CHUK: variants seen among roughly 807,000 people sequenced by gnomAD.
CHUK encodes the protein inhibitor of nuclear factor kappa-B kinase subunit alpha.
In CHUK, 35 loss-of-function variants were observed where a neutral mutation model predicts 104.8. That is an observed-to-expected ratio of 0.33 (90% confidence interval 0.26 to 0.44). CHUK has a LOEUF of 0.44. Ranked by LOEUF, CHUK falls within the 20% of genes least tolerant of loss-of-function variation. CHUK has a pLI of 1.00. For synonymous variants in CHUK, 276 were observed against 291.9 expected, an observed-to-expected ratio of 0.95 and a Z score of 0.56; for missense variants, 663 against 902.7, an observed-to-expected ratio of 0.73 and a Z score of 3.40.
intron 4 of CHUK, among the ~76,000 whole-genome samples, chr10:100,221,157 C>A (rs7093166): frequency 0.075 from 11,417 of 152,176 alleles, 580 homozygotes; most frequent in African/African-American, 0.14. Context: ...GTTGACTTGG[C>A]TGGGTGCGGT....
At chr10:100,207,125 A>T (rs1227420661) in intron 11 of CHUK, 105 bp downstream of exon 11, 10 of 717,442 alleles carry the variant, frequency 1.4e-5, no homozygotes, top group Non-Finnish European at 2.3e-5. Context: ...TTCAAGTATG[A>T]GATACAGAAC....
intron 4 of CHUK, among the ~76,000 whole-genome samples, chr10:100,221,317 C>T (rs535947655): frequency 6.6e-6 from 1 of 152,184 alleles, no homozygotes; most frequent in Admixed American, 6.5e-5. Flanking sequence ...CACCTGTAAT[C>T]CCAGCTACTC....
intron 16 of CHUK, among the ~76,000 whole-genome samples, chr10:100,199,489 G>T (rs1030119250): frequency 2.6e-5 from 4 of 152,206 alleles, no homozygotes; most frequent in African/African-American, 9.6e-5. Flanking sequence ...AACATGCCCA[G>T]CTAACTTTTC....
chr10:100,204,598 G>C lies in CHUK; in HGVS notation c.1415C>G (p.Ala472Gly), dbSNP rs1007022862. 3.1e-6 allele frequency: 5 copies of C among 1,612,864 alleles called. No individual in the cohort carries two copies. Among genetic ancestry groups the C allele is most frequent in the Non-Finnish European group, 3.4e-6 (4 of 1,179,002 alleles). The change falls in exon 13 of 21, where the codon GCA becomes GGA. Residue 472 changes from alanine (A) to glycine (G), a missense_variant. Around this residue, in one of 5 missense-constraint regions of CHUK, gnomAD observed 311 missense variants for 393.4 expected, o/e 0.79. Coordinates refer to ENST00000370397, the MANE Select transcript of CHUK (RefSeq NM_001278.5). ...CAATTTAGCTTTCAGTTGTTGTGAT[G>C]CTGAGATCAAAGTGTTCTTCATTTT... ...LTKMKNTLIS[A>G]SQQLKAKLEF...
intron 14 of CHUK, among the ~76,000 whole-genome samples, chr10:100,201,810 G>A (rs939109885): frequency 1.3e-5 from 2 of 152,092 alleles, no homozygotes; most frequent in African/African-American, 4.8e-5. Flanking sequence ...CTTTGATCAT[G>A]CCACTACACT....
intron 18 of CHUK, 23 bp downstream of exon 18, chr10:100,193,961 A>G (rs1231137623): frequency 1.9e-5 from 31 of 1,598,004 alleles, no homozygotes; most frequent in Non-Finnish European, 2.6e-5. Context: ...GTCACATTAA[A>G]TAATTCATTA....
intron 16 of CHUK, among the ~76,000 whole-genome samples, chr10:100,196,628 T>A (rs961311405): frequency 2.0e-5 from 3 of 152,140 alleles, no homozygotes; most frequent in Non-Finnish European, 4.4e-5. Context: ...CTCAAACTGT[T>A]GGCCTCAAAC....
chr10:100,198,818 GTA>G (rs2134213284), intron 16 of CHUK, among the ~76,000 whole-genome samples: 1 of 152,266 alleles, frequency 6.6e-6, no homozygotes, highest in East Asian at 1.9e-4. Flanking sequence ...AAGTGTAAAA[GTA>G]TATCTTTTTT....
chr10:100,193,589 T>A (rs1289562850), intron 18 of CHUK, 158 bp from the exon 19 acceptor site: 1 of 821,234 alleles, frequency 1.2e-6, no homozygotes, highest in Non-Finnish European at 2.0e-6. Flanking sequence ...TACACACCAT[T>A]AGTAACCTGT....
At position 100,189,506 on chromosome 10, in the gene CHUK, T is replaced by C; in HGVS notation, c.*92A>G. The C allele has an allele frequency of 1.1e-6, 1 of 945,756 alleles. No homozygotes were observed. The highest frequency in any genetic ancestry group is 2.4e-5 in the East Asian group (1 of 41,822). The allele number at this position is 945,756 out of a possible 1,614,324, so 58.6% of individuals were successfully genotyped here. ...CATAGCCATTTCTTCCATTGACTGA[T>C]GTCTGAAGAATGGTTTCATGGGGGA... On this transcript the variant is annotated 3_prime_UTR_variant, in exon 21 of 21. Transcript: ENST00000370397.
At chr10:100,203,084 A>AT (rs1346975255) in intron 13 of CHUK, among the ~76,000 whole-genome samples, 6 of 152,166 alleles carry the variant, frequency 3.9e-5, no homozygotes, top group Non-Finnish European at 8.8e-5. Flanking sequence ...CTTGAATATG[A>AT]TTTTTAAAAA....
intron 1 of CHUK, among the ~76,000 whole-genome samples, chr10:100,226,614 C>A (rs993934260): frequency 2.0e-5 from 3 of 152,210 alleles, no homozygotes; most frequent in African/African-American, 7.2e-5. Flanking sequence ...AAATTAAACC[C>A]ATTCTGATGC....
At chr10:100,222,396 G>A in intron 3 of CHUK, among the ~76,000 whole-genome samples, 1 of 152,074 alleles carries the variant, frequency 6.6e-6, no homozygotes, top group East Asian at 1.9e-4. Flanking sequence ...ATTTGAAACT[G>A]GAAAAGGCTG....
At chr10:100,204,792 C>T (rs1845552588) in intron 12 of CHUK, 135 bp from the exon 13 acceptor site, 1 of 796,748 alleles carries the variant, frequency 1.3e-6, no homozygotes, top group African/African-American at 1.7e-5. Flanking sequence ...TGAGAAATAA[C>T]TGAGCTCTAG....
chr10:100,189,947 T>C (rs1290203303), intron 20 of CHUK: 1 of 241,434 alleles, frequency 4.1e-6, no homozygotes. Flanking sequence ...CCTGGGCTCA[T>C]GCAATCCTTC....
chr10:100,228,125 A>G (rs1165296750), intron 1 of CHUK, among the ~76,000 whole-genome samples: 1 of 152,212 alleles, frequency 6.6e-6, no homozygotes, highest in Non-Finnish European at 1.5e-5. Flanking sequence ...CTTTACACAC[A>G]TTACTATTTT....
chr10:100,196,773 T>C lies in CHUK; in HGVS notation c.1730-2252A>G, dbSNP rs1009944722. ...GCTTTTAGAAGTCTTTAGCACTCTATTCAAATCTATGAGGTCGTCACCTCT... is the reference window on the plus strand; with the variant it reads ...GCTTTTAGAAGTCTTTAGCACTCTACTCAAATCTATGAGGTCGTCACCTCT... On this transcript the variant is annotated intron_variant, in intron 16 of 20. Transcript: ENST00000370397. 2.0e-5 allele frequency among the ~76,000 whole-genome samples: 3 copies of C among 152,148 alleles called. No individual in the cohort carries two copies. The East Asian group carries it at 5.8e-4, about 29-fold the overall frequency.
chr10:100,221,005 G>A (rs942608113), intron 4 of CHUK, among the ~76,000 whole-genome samples: 16 of 152,290 alleles, frequency 1.1e-4, no homozygotes, highest in Admixed American at 5.9e-4. Flanking sequence ...TAGCCCTCAT[G>A]ACCTTGGAAA....
At chr10:100,220,307 T>G (rs1189618072) in intron 5 of CHUK, among the ~76,000 whole-genome samples, 1 of 151,798 alleles carries the variant, frequency 6.6e-6, no homozygotes, top group Non-Finnish European at 1.5e-5. Context: ...AAAAACAGAC[T>G]TGAACAAGAC....
Sources: allele counts gnomAD v4.1 joint callset (sites outside exome capture counted in the v4.1 genomes callset), GRCh38; gene constraint gnomAD v4.1.1; regional missense constraint gnomAD v4.1.1; transcripts MANE v1.5; gene names NCBI Gene and HGNC (gene_info 2026-07-23, HGNC 2026-07-21).